CSMD1: variants seen among roughly 807,000 people sequenced by gnomAD.
CSMD1 encodes CUB and sushi domain-containing protein 1.
CSMD1 carries 213 observed loss-of-function variants against 417.5 expected under a neutral mutation model. That is an observed-to-expected ratio of 0.51 (90% confidence interval 0.46 to 0.57). CSMD1 has a LOEUF of 0.57. Among genes scored for constraint, CSMD1 ranks in the 20% least tolerant of loss-of-function variants. CSMD1 has a pLI of 0.00. For missense variants in CSMD1, 6,923 were observed against 4,529.7 expected, an observed-to-expected ratio of 1.53 and a Z score of -15.17; for synonymous variants, 2,862 against 1,736.8, an observed-to-expected ratio of 1.65 and a Z score of -16.11.
chr8:4,496,327 G>C (rs1011173952), intron 2 of CSMD1, among the ~76,000 whole-genome samples: 3 of 152,172 alleles, frequency 2.0e-5, no homozygotes, highest in African/African-American at 7.2e-5. Flanking sequence ...GGACTCCTTA[G>C]GTTCTGCTCA....
chr8:3,715,473 A>T (rs1801778631), intron 6 of CSMD1, among the ~76,000 whole-genome samples: 1 of 152,136 alleles, frequency 6.6e-6, no homozygotes, highest in African/African-American at 2.4e-5. Context: ...TGCATGATTA[A>T]CCCAATTATA....
At chr8:4,853,513 T>C (rs1017213800) in intron 1 of CSMD1, among the ~76,000 whole-genome samples, 2 of 152,188 alleles carry the variant, frequency 1.3e-5, no homozygotes, top group Non-Finnish European at 2.9e-5. Context: ...AGCTTCCACA[T>C]AGATTTCAGA....
intron 1 of CSMD1, among the ~76,000 whole-genome samples, chr8:4,842,947 A>G (rs1371495018): frequency 1.3e-5 from 2 of 152,342 alleles, no homozygotes; most frequent in East Asian, 3.9e-4. Context: ...GTGTATGTGA[A>G]AATCAGCAGA....
chr8:4,650,469 T>G (rs1019342237), intron 1 of CSMD1, among the ~76,000 whole-genome samples: 29 of 152,182 alleles, frequency 1.9e-4, no homozygotes, highest in African/African-American at 6.8e-4. Context: ...AACTTTTAAC[T>G]TGCTCCTAAG....
At chr8:3,364,981 C>A (rs958240148) in intron 20 of CSMD1, among the ~76,000 whole-genome samples, 1 of 152,158 alleles carries the variant, frequency 6.6e-6, no homozygotes, top group African/African-American at 2.4e-5. Flanking sequence ...GAAACACCTG[C>A]AGAAGTGAAC....
At chr8:4,287,426 T>G (rs1295405051) in intron 3 of CSMD1, among the ~76,000 whole-genome samples, 1 of 152,184 alleles carries the variant, frequency 6.6e-6, no homozygotes, top group Non-Finnish European at 1.5e-5. Context: ...TCTTTCTAAC[T>G]ACCCTTTCTT....
chr8:4,037,614 G>GATCTC (rs1797686825), intron 3 of CSMD1, among the ~76,000 whole-genome samples: 1 of 56,954 alleles, frequency 1.8e-5, no homozygotes, highest in African/African-American at 1.1e-4. Context: ...ATGGACTTTA[G>GATCTC]GTCTCTTATA....
intron 3 of CSMD1, among the ~76,000 whole-genome samples, chr8:4,265,188 A>T (rs1044686209): frequency 6.6e-6 from 1 of 152,176 alleles, no homozygotes; most frequent in Non-Finnish European, 1.5e-5. Context: ...TTTCAAAAGT[A>T]GCAAAGTGTA....
intron 3 of CSMD1, among the ~76,000 whole-genome samples, chr8:4,194,337 G>A (rs1409237402): frequency 4.6e-5 from 7 of 152,096 alleles, no homozygotes; most frequent in African/African-American, 1.4e-4. Context: ...AGCTTCAGGA[G>A]AAAACCACAG....
intron 3 of CSMD1, among the ~76,000 whole-genome samples, chr8:4,391,202 G>A (rs544655345): frequency 1.3e-5 from 2 of 152,128 alleles, no homozygotes; most frequent in Admixed American, 6.5e-5. Context: ...CTGAAAAGTT[G>A]CATTTCATGC....
intron 2 of CSMD1, among the ~76,000 whole-genome samples, chr8:4,509,118 T>C (rs952132296): frequency 3.3e-5 from 5 of 152,160 alleles, no homozygotes; most frequent in African/African-American, 9.7e-5. Flanking sequence ...CTTGGAATGA[T>C]AAATGAAGTA....
intron 11 of CSMD1, among the ~76,000 whole-genome samples, chr8:3,469,366 A>G (rs182919965): frequency 1.3e-5 from 2 of 152,352 alleles, no homozygotes; most frequent in African/African-American, 2.4e-5. Flanking sequence ...TTATACATTA[A>G]GAGAATTTTG....
At chr8:4,062,778 T>C (rs1799045369) in intron 3 of CSMD1, among the ~76,000 whole-genome samples, 1 of 151,756 alleles carries the variant, frequency 6.6e-6, no homozygotes, top group African/African-American at 2.4e-5. Flanking sequence ...TAAAATCTGA[T>C]TGTTCAAACC....
chr8:3,677,027 G>C (rs1799411205), intron 7 of CSMD1, among the ~76,000 whole-genome samples: 2 of 152,020 alleles, frequency 1.3e-5, no homozygotes, highest in Non-Finnish European at 2.9e-5. Flanking sequence ...AGGGGAGGGA[G>C]AGCATTAGAA....
chr8:3,933,075 AAC>A (rs1810264778), intron 5 of CSMD1, among the ~76,000 whole-genome samples: 1 of 149,998 alleles, frequency 6.7e-6, no homozygotes, highest in African/African-American at 2.5e-5. Context: ...ATTAAAAAAA[AAC>A]AAAAGAAACA....
chr8:4,317,729 A>C (rs932906649), intron 3 of CSMD1, among the ~76,000 whole-genome samples: 1 of 152,180 alleles, frequency 6.6e-6, no homozygotes, highest in African/African-American at 2.4e-5. Context: ...AGCTCAGCTG[A>C]GTACATGTCT....
chr8:3,307,874 CTATT>C, intron 24 of CSMD1, 53 bp from the exon 25 acceptor site: 1 of 1,577,970 alleles, frequency 6.3e-7, no homozygotes, highest in Non-Finnish European at 8.6e-7. Context: ...TCACATGTTT[CTATT>C]TAGCTACTTT....
intron 4 of CSMD1, among the ~76,000 whole-genome samples, chr8:4,010,038 C>T (rs988909244): frequency 6.6e-6 from 1 of 152,176 alleles, no homozygotes; most frequent in Non-Finnish European, 1.5e-5. Context: ...ACTACTTCCT[C>T]GAAAACTGAA....
chr8:3,814,422 T>C (rs2929497), intron 5 of CSMD1, among the ~76,000 whole-genome samples: 14,038 of 152,198 alleles, frequency 0.092, 956 homozygotes, highest in East Asian at 0.3. Context: ...CAAACACCTG[T>C]CATCTCTAGA....
Sources: gnomAD v4.1 joint callset for allele counts (sites outside exome capture counted in the v4.1 genomes callset) on GRCh38, gnomAD v4.1.1 for gene constraint, MANE v1.5 for transcripts, NCBI Gene and HGNC (gene_info 2026-07-23, HGNC 2026-07-21) for gene names.